PRKAA1: variants seen among roughly 807,000 people sequenced by gnomAD.
PRKAA1 encodes protein kinase AMP-activated catalytic subunit alpha 1.
PRKAA1 carries 23 observed loss-of-function variants against 56.9 expected under a neutral mutation model. The ratio of observed to expected loss-of-function variants is 0.40; its 90% confidence interval spans 0.29 to 0.57. The LOEUF (loss-of-function observed/expected upper bound fraction) is 0.57, where lower values mean the gene tolerates loss of function less well. PRKAA1 is among the 20% of genes least tolerant of loss of function. The probability of loss-of-function intolerance (pLI) is 0.39; values close to 1 mark genes in which losing one functional copy is unlikely to be tolerated. For synonymous variants in PRKAA1, 226 were observed against 227.0 expected, an observed-to-expected ratio of 1.00 and a Z score of 0.04; for missense variants, 413 against 679.7, an observed-to-expected ratio of 0.61 and a Z score of 4.36.
At chr5:40,778,414 A>T (rs1373094871) in intron 1 of PRKAA1, among the ~76,000 whole-genome samples, 1 of 152,208 alleles carries the variant, frequency 6.6e-6, no homozygotes, top group African/African-American at 2.4e-5. Flanking sequence ...AGAAATTGGT[A>T]ACAGTGGTTT....
chr5:40,787,675 C>T (rs1007742750), intron 1 of PRKAA1, among the ~76,000 whole-genome samples: 5 of 149,172 alleles, frequency 3.4e-5, no homozygotes, highest in Non-Finnish European at 7.4e-5. Context: ...AGGGTAACTA[C>T]AAAGCAAAAG....
intron 1 of PRKAA1, among the ~76,000 whole-genome samples, chr5:40,794,941 C>T (rs1281259697): frequency 7.3e-5 from 11 of 151,518 alleles, no homozygotes; most frequent in Admixed American, 6.6e-4. Context: ...ATTGCAAAAT[C>T]GTGGAACCAA....
At chr5:40,777,791 G>A (rs917213715) in intron 1 of PRKAA1, among the ~76,000 whole-genome samples, 1 of 152,078 alleles carries the variant, frequency 6.6e-6, no homozygotes, top group Non-Finnish European at 1.5e-5. Context: ...AAAAATTAAT[G>A]GCCGGGAGCG....
At chr5:40,777,650 C>A in intron 1 of PRKAA1, 64 bp from the exon 2 acceptor site, 1 of 1,454,346 alleles carries the variant, frequency 6.9e-7, no homozygotes, top group Non-Finnish European at 9.3e-7. Flanking sequence ...TACACATATT[C>A]TGGCCCGGTG....
At chr5:40,778,785 T>A (rs1744136283) in intron 1 of PRKAA1, among the ~76,000 whole-genome samples, 1 of 135,266 alleles carries the variant, frequency 7.4e-6, no homozygotes, top group East Asian at 2.1e-4. Context: ...TTTAATTTTT[T>A]TTTTTTTTTT....
chr5:40,774,708 A>C (rs1743914305), intron 3 of PRKAA1, among the ~76,000 whole-genome samples: 1 of 152,138 alleles, frequency 6.6e-6, no homozygotes, highest in African/African-American at 2.4e-5. Flanking sequence ...AGAACAAATG[A>C]ATGAGTAATG....
At chr5:40,793,783 C>T (rs13155724) in intron 1 of PRKAA1, among the ~76,000 whole-genome samples, 24,883 of 151,988 alleles carry the variant, frequency 0.16, 2,633 homozygotes, top group Middle Eastern at 0.27. Flanking sequence ...CTACCCTGTC[C>T]CCCCACACTA....
intron 1 of PRKAA1, among the ~76,000 whole-genome samples, chr5:40,794,025 C>G (rs12514352): frequency 0.36 from 54,797 of 151,598 alleles, 10,681 homozygotes; most frequent in Admixed American, 0.46. Flanking sequence ...TCACTTGAAC[C>G]TGGGAGGCAG....
At position 40,767,480 on chromosome 5, in the gene PRKAA1, T is replaced by C; in HGVS notation, c.807A>G (p.Thr269=). The change falls in exon 6 of 9, where the codon ACA becomes ACG. Residue 269 remains threonine, a synonymous_variant. Transcript: ENST00000397128. ...TGCTTTATTACCTGATATCTTTGAT[T>C]GTGGCCCTCTTCATGGGATCCACCT... ...MLQVDPMKRA[T]IKDIREHEWF... 2 of 1,610,522 alleles carry C rather than the reference T, an allele frequency of 1.2e-6. No individual in the cohort carries two copies. Among genetic ancestry groups the C allele is most frequent in the Non-Finnish European group, 1.7e-6 (2 of 1,176,798 alleles).
chr5:40,768,655 A>C (rs1579718743), intron 5 of PRKAA1: 7 of 1,190,326 alleles, frequency 5.9e-6, no homozygotes, highest in Non-Finnish European at 7.3e-6. Flanking sequence ...AAAATAGAAA[A>C]TACTACAGTA....
At chr5:40,783,758 C>CA (rs1163042789) in intron 1 of PRKAA1, among the ~76,000 whole-genome samples, 37 of 146,250 alleles carry the variant, frequency 2.5e-4, no homozygotes, top group African/African-American at 5.5e-4. Context: ...GACTCCATCT[C>CA]AAAAAAAAAA....
rs1418355888 is a variant in PRKAA1, at chr5:40,784,902, T to A, written c.128-7316A>T. Among the ~76,000 whole-genome samples, 3 of 152,232 alleles carry A rather than the reference T, an allele frequency of 2.0e-5. 1 individual carries two copies. Among genetic ancestry groups the A allele is most frequent in the Non-Finnish European group, 4.4e-5 (3 of 68,046 alleles). ...TTTCCGAACATGGTTAAGTGAAATT[T>A]GATTTTTTTAAAAAGATAATCCTCA... On this transcript the variant is annotated intron_variant, in intron 1 of 8. Coordinates refer to ENST00000397128, the MANE Select transcript of PRKAA1 (RefSeq NM_006251.6).
In PRKAA1 at chr5:40,765,120, A is replaced by G. The variant is rs958041636; in HGVS notation, c.940T>C (p.Ser314Pro). ...LKEVCEKFEC[S>P]EEEVLSCLYN... ...AGACAGCTGAGAACTTCCTCTTCTG[A>G]GCACTCAAACTTTTCACATACTTCT... Residue 314 changes from serine to proline, a missense_variant, in exon 7 of 9, where the codon TCA becomes CCA. By Grantham distance (74) the Ser-to-Pro change is moderately conservative. Transcript: ENST00000397128. 6.2e-7 allele frequency: 1 copy of G among 1,614,062 alleles called. No homozygotes were observed.
At chr5:40,780,369 T>C (rs933365165) in intron 1 of PRKAA1, among the ~76,000 whole-genome samples, 1 of 152,212 alleles carries the variant, frequency 6.6e-6, no homozygotes, top group Non-Finnish European at 1.5e-5. Context: ...AGGAATGATA[T>C]TTGGCTTTCT....
rs1273370147 is a variant in PRKAA1 at position 40,764,951 on chromosome 5, G to A, written c.1109C>T (p.Pro370Leu). Reference protein sequence around the residue: ...SFLDDHHLTRPHPERVPFLVA... With the variant: ...SFLDDHHLTRLHPERVPFLVA... The stretch of plus-strand genomic sequence containing the variant: ...CAAGAATGGTACTCTTTCAGGATGG[G>A]GCCGAGTCAGGTGATGATCATCAAG... The change falls in exon 7 of 9, where the codon CCC (proline) becomes CTC (leucine). Residue 370 changes from proline to leucine, a missense_variant. By Grantham distance (98) the Pro-to-Leu change is moderately conservative (BLOSUM62 -3). Transcript: ENST00000397128. 3.1e-6 allele frequency: 5 copies of A among 1,614,128 alleles called. No homozygotes were observed. Among genetic ancestry groups the A allele is most frequent in the Non-Finnish European group, 3.4e-6 (4 of 1,180,010 alleles).
chr5:40,763,244 A>G (rs1743274449), intron 8 of PRKAA1, among the ~76,000 whole-genome samples: 1 of 152,194 alleles, frequency 6.6e-6, no homozygotes, highest in Admixed American at 6.5e-5. Flanking sequence ...TGGGTACAGT[A>G]TAGCTACTCA....
intron 2 of PRKAA1, among the ~76,000 whole-genome samples, chr5:40,775,892 T>C (rs1474344331): frequency 6.6e-6 from 1 of 152,096 alleles, no homozygotes; most frequent in African/African-American, 2.4e-5. Flanking sequence ...GGTCCCCAAG[T>C]AGAAGCCTGC....
chr5:40,796,210 G>T (rs751155303), intron 1 of PRKAA1, among the ~76,000 whole-genome samples: 6 of 152,086 alleles, frequency 3.9e-5, no homozygotes, highest in Non-Finnish European at 8.8e-5. Context: ...CAGCTACTCA[G>T]GAGGCTGAGG....
chr5:40,798,085 G>A lies in PRKAA1; in HGVS notation c.105C>T (p.Val35=), dbSNP rs532946275. Residue 35 remains valine (V), a synonymous_variant, in exon 1 of 9, where the codon GTC becomes GTT. Coordinates refer to ENST00000397128, the MANE Select transcript of PRKAA1 (RefSeq NM_006251.6). Reference sequence around the variant, plus strand: ...CACCCTTCACTTTGCCGAAGGTGCCGACCCCCAGCGTGTCACCCAGAATGT... The same window carrying A: ...CACCCTTCACTTTGCCGAAGGTGCCAACCCCCAGCGTGTCACCCAGAATGT... ...GHYILGDTLG[V]GTFGKVKVGK... is the part of the protein sequence containing the mutation. The A allele has an allele frequency of 2.5e-6, 4 of 1,609,296 alleles. No homozygotes were observed. The highest frequency in any genetic ancestry group is 3.4e-6 in the Non-Finnish European group (4 of 1,177,458).
Sources: gnomAD v4.1 joint callset for allele counts (sites outside exome capture counted in the v4.1 genomes callset) on GRCh38, gnomAD v4.1.1 for gene constraint, MANE v1.5 for transcripts, NCBI Gene and HGNC (gene_info 2026-07-23, HGNC 2026-07-21) for gene names.